Variants in CHCHD3 observed in about 807,000 individuals in gnomAD.
CHCHD3 encodes the protein MICOS complex subunit MIC19.
In CHCHD3, 20 loss-of-function variants were observed where a neutral mutation model predicts 38.2. That is an observed-to-expected ratio of 0.52 (90% CI 0.37 to 0.76). CHCHD3 has a LOEUF of 0.76. Among genes scored for constraint, CHCHD3 ranks in the 30% least tolerant of loss-of-function variants. The probability of loss-of-function intolerance (pLI) is 0.00; values close to 1 mark genes in which losing one functional copy is unlikely to be tolerated. For synonymous variants in CHCHD3, 82 were observed against 100.0 expected, an observed-to-expected ratio of 0.82 and a Z score of 1.07; for missense variants, 245 against 279.2, an observed-to-expected ratio of 0.88 and a Z score of 0.87.
intron 4 of CHCHD3, among the ~76,000 whole-genome samples, chr7:132,956,395 C>A (rs1017316881): frequency 2.0e-5 from 3 of 152,140 alleles, no homozygotes; most frequent in African/African-American, 7.2e-5. Flanking sequence ...ACAAATAATT[C>A]TTCAATCAAT....
intron 2 of CHCHD3, among the ~76,000 whole-genome samples, chr7:133,030,935 G>C (rs1813482829): frequency 6.6e-6 from 1 of 152,148 alleles, no homozygotes; most frequent in African/African-American, 2.4e-5. Flanking sequence ...ATTGAAAGCA[G>C]CTCTGGATTC....
At chr7:132,852,429 G>A (rs1808242322) in intron 5 of CHCHD3, among the ~76,000 whole-genome samples, 1 of 152,106 alleles carries the variant, frequency 6.6e-6, no homozygotes, top group African/African-American at 2.4e-5. Flanking sequence ...TGGGAGGGAG[G>A]TATTTTTGTC....
intron 4 of CHCHD3, among the ~76,000 whole-genome samples, chr7:132,940,783 G>A (rs891718142): frequency 2.0e-5 from 3 of 152,148 alleles, no homozygotes; most frequent in Non-Finnish European, 4.4e-5. Context: ...CTTGACAGGT[G>A]TCAATAAAGC....
intron 7 of CHCHD3, among the ~76,000 whole-genome samples, chr7:132,786,248 G>T (rs542792886): frequency 6.6e-6 from 1 of 152,124 alleles, no homozygotes; most frequent in Admixed American, 6.5e-5. Flanking sequence ...TGCAGTGACC[G>T]GGGGAAAGCT....
At chr7:132,936,981 T>C (rs1290927657) in intron 4 of CHCHD3, among the ~76,000 whole-genome samples, 1 of 152,206 alleles carries the variant, frequency 6.6e-6, no homozygotes, top group Non-Finnish European at 1.5e-5. Context: ...TGTGATTTAG[T>C]GAATCACTAG....
At chr7:132,873,626 C>T (rs1808823614) in intron 5 of CHCHD3, among the ~76,000 whole-genome samples, 1 of 151,802 alleles carries the variant, frequency 6.6e-6, no homozygotes, top group African/African-American at 2.4e-5. Flanking sequence ...TATTTCTTTC[C>T]CAACAATCTT....
chr7:132,981,028 C>T (rs898411793), intron 3 of CHCHD3, among the ~76,000 whole-genome samples: 2 of 152,090 alleles, frequency 1.3e-5, no homozygotes, highest in African/African-American at 4.8e-5. Flanking sequence ...CTCTCTTGCC[C>T]AGGCTGGAGT....
intron 2 of CHCHD3, among the ~76,000 whole-genome samples, chr7:133,065,952 C>T (rs993648633): frequency 1.3e-5 from 2 of 152,082 alleles, no homozygotes; most frequent in African/African-American, 4.8e-5. Flanking sequence ...TCCTATGAGC[C>T]TTGTTGAGTC....
chr7:132,940,244 G>A (rs955843971), intron 4 of CHCHD3, among the ~76,000 whole-genome samples: 2 of 152,132 alleles, frequency 1.3e-5, no homozygotes, highest in African/African-American at 4.8e-5. Flanking sequence ...CTTAATTACA[G>A]TTTCCAAACC....
intron 4 of CHCHD3, among the ~76,000 whole-genome samples, chr7:132,952,764 T>C (rs1052125591): frequency 3.9e-5 from 6 of 152,186 alleles, no homozygotes; most frequent in Non-Finnish European, 7.3e-5. Context: ...TAAAACCAAA[T>C]GCTCATTACC....
chr7:132,790,856 C>T (rs1806442568), intron 7 of CHCHD3, among the ~76,000 whole-genome samples: 1 of 152,060 alleles, frequency 6.6e-6, no homozygotes, highest in Non-Finnish European at 1.5e-5. Flanking sequence ...ACTGGGGTCA[C>T]CTACTGTTTC....
chr7:132,875,369 T>C (rs1808870775), intron 5 of CHCHD3, among the ~76,000 whole-genome samples: 1 of 152,192 alleles, frequency 6.6e-6, no homozygotes, highest in African/African-American at 2.4e-5. Flanking sequence ...ACTATCACAG[T>C]GATTAAAGGG....
chr7:132,935,347 T>C (rs531046562), intron 4 of CHCHD3, among the ~76,000 whole-genome samples: 1 of 152,344 alleles, frequency 6.6e-6, no homozygotes, highest in South Asian at 2.1e-4. Context: ...ACTATTGGAC[T>C]ATTATATCAT....
intron 5 of CHCHD3, among the ~76,000 whole-genome samples, chr7:132,864,213 C>T (rs911911841): frequency 6.6e-6 from 1 of 152,144 alleles, no homozygotes; most frequent in African/African-American, 2.4e-5. Flanking sequence ...CAATTGAACA[C>T]TCAGAGGTCA....
chr7:132,863,881 C>T (rs934716823), intron 5 of CHCHD3, among the ~76,000 whole-genome samples: 2 of 152,166 alleles, frequency 1.3e-5, no homozygotes, highest in African/African-American at 4.8e-5. Flanking sequence ...TTTCAGCCTT[C>T]GTAGAACTTA....
At chr7:133,003,813 T>C (rs1466186209) in intron 3 of CHCHD3, among the ~76,000 whole-genome samples, 1 of 152,086 alleles carries the variant, frequency 6.6e-6, no homozygotes, top group African/African-American at 2.4e-5. Context: ...AGGATAAAAA[T>C]ACCTTGAAAA....
At chr7:133,000,240 T>G (rs868309542) in intron 3 of CHCHD3, among the ~76,000 whole-genome samples, 8 of 152,172 alleles carry the variant, frequency 5.3e-5, no homozygotes, top group Admixed American at 1.3e-4. Flanking sequence ...TGCTACAATT[T>G]CAATGAAAAA....
intron 5 of CHCHD3, among the ~76,000 whole-genome samples, chr7:132,850,940 T>C (rs1025341783): frequency 6.6e-5 from 10 of 152,204 alleles, no homozygotes; most frequent in Non-Finnish European, 1.5e-4. Context: ...GTTGTGATCT[T>C]ATTTCCTTTA....
chr7:132,864,281 G>A (rs1460492958), intron 5 of CHCHD3, among the ~76,000 whole-genome samples: 1 of 152,158 alleles, frequency 6.6e-6, no homozygotes, highest in Non-Finnish European at 1.5e-5. Context: ...GAATAAGGAG[G>A]CCTCTCAGGG....
Sources: allele counts gnomAD v4.1 joint callset (sites outside exome capture counted in the v4.1 genomes callset), GRCh38; gene constraint gnomAD v4.1.1; transcripts MANE v1.5; gene names NCBI Gene and HGNC (gene_info 2026-07-23, HGNC 2026-07-21).